Variants in GRIN2B observed in about 807,000 individuals in gnomAD.
GRIN2B encodes glutamate receptor ionotropic, NMDA 2B.
GRIN2B carries 5 observed loss-of-function variants against 114.5 expected under a neutral mutation model. The ratio of observed to expected loss-of-function variants is 0.04; its 90% CI spans 0.02 to 0.09. The LOEUF is 0.09. Among genes scored for constraint, GRIN2B ranks in the 10% least tolerant of loss-of-function variants. The probability of loss-of-function intolerance (pLI) is 1.00; values close to 1 mark genes in which losing one functional copy is unlikely to be tolerated. For missense variants in GRIN2B, 1,108 were observed against 1,943.5 expected, an observed-to-expected ratio of 0.57 and a Z score of 8.08; for synonymous variants, 787 against 745.1, an observed-to-expected ratio of 1.06 and a Z score of -0.92.
In GRIN2B at chr12:13,556,075, A is replaced by G. The variant is rs2136393607; in HGVS notation, c.*6708T>C. 1 of 152,312 alleles carries G rather than the reference A, an allele frequency of 6.6e-6. No homozygotes were observed. The highest frequency in any genetic ancestry group is 1.5e-5 in the Non-Finnish European group (1 of 68,040). 9.4% of individuals were successfully genotyped at this position (152,312 alleles called of 1,614,324 possible). The stretch of plus-strand genomic sequence containing the variant: ...ATGAGGCCTGATGGATTTATGGACC[A>G]GAACAACAGAGGGGTCTTGAAGGAA... On this transcript the variant is annotated 3_prime_UTR_variant, in exon 14 of 14. Transcript: ENST00000609686.
At position 13,753,615 on chromosome 12, in the gene GRIN2B, T is replaced by C. The variant is rs1863528154; in HGVS notation, c.712A>G (p.Thr238Ala). The C allele has an allele frequency of 6.2e-7, 1 of 1,614,072 alleles. No homozygotes were observed. Among genetic ancestry groups the C allele is most frequent in the Admixed American group, 1.7e-5 (1 of 59,986 alleles). ...ILLYCTKEEA[T>A]YIFEVANSVG... ...GAGTTGGCCACTTCAAAGATGTAGG[T>C]GGCTTCTTCCTTGGTACAGTAAAGA... The change falls in exon 4 of 14, where the codon ACC (threonine) becomes GCC (alanine). Residue 238 changes from threonine (T) to alanine (A), a missense_variant. Thr to Ala is a moderately conservative substitution (Grantham distance 58). Around this residue, in one of 19 missense-constraint regions of GRIN2B, gnomAD observed 199 missense variants for 439.6 expected, o/e 0.45. Coordinates refer to ENST00000609686, the MANE Select transcript of GRIN2B (RefSeq NM_000834.5). The surrounding 1 kb of genome is among the most constrained non-coding windows in gnomAD (Gnocchi z 6.2).
intron 3 of GRIN2B, among the ~76,000 whole-genome samples, chr12:13,767,696 A>AAC (rs1262509868): frequency 2.0e-4 from 30 of 152,308 alleles, no homozygotes; most frequent in African/African-American, 7.0e-4. Flanking sequence ...TTACCAGATC[A>AAC]TGGGTTAAGT....
intron 4 of GRIN2B, among the ~76,000 whole-genome samples, chr12:13,733,061 A>T (rs911108655): frequency 1.3e-5 from 2 of 152,178 alleles, no homozygotes; most frequent in Non-Finnish European, 2.9e-5. Context: ...AAGTGAACAG[A>T]TTTGGGATAC....
chr12:13,871,534 A>T (rs1054662672), intron 2 of GRIN2B, among the ~76,000 whole-genome samples: 1 of 151,940 alleles, frequency 6.6e-6, no homozygotes, highest in Non-Finnish European at 1.5e-5. Flanking sequence ...TACACTTTTA[A>T]ATACATTTAT....
rs1057252587 is a variant in GRIN2B at position 13,560,180 on chromosome 12, C to G, written c.*2603G>C. ...TTTCTGGGGGGGATGGACACAATTA[C>G]TTTCCCCTGGCTTTTTCACCATAGT... On this transcript the variant is annotated 3_prime_UTR_variant, in exon 14 of 14. Coordinates refer to ENST00000609686, the MANE Select transcript of GRIN2B (RefSeq NM_000834.5). 17 of 152,222 alleles carry G rather than the reference C, an allele frequency of 1.1e-4. No homozygotes were observed. Among genetic ancestry groups the G allele is most frequent in the African/African-American group, 3.4e-4 (14 of 41,460 alleles). 9.4% of individuals were successfully genotyped at this position (152,222 alleles called of 1,614,324 possible).
intron 2 of GRIN2B, among the ~76,000 whole-genome samples, chr12:13,946,304 C>T (rs1260285885): frequency 1.3e-5 from 2 of 152,128 alleles, no homozygotes; most frequent in African/African-American, 4.8e-5. Context: ...TACTTCACCA[C>T]TCTTCCAAAT....
chr12:13,885,320 G>A (rs188411324), intron 2 of GRIN2B, among the ~76,000 whole-genome samples: 1 of 152,138 alleles, frequency 6.6e-6, no homozygotes, highest in African/African-American at 2.4e-5. Context: ...AGAGCAGTTA[G>A]GGTGAAAAAT....
intron 4 of GRIN2B, among the ~76,000 whole-genome samples, chr12:13,706,008 C>G (rs1289631425): frequency 6.6e-6 from 1 of 152,074 alleles, no homozygotes; most frequent in African/African-American, 2.4e-5. Flanking sequence ...AAGGAAGAAC[C>G]TCCCGGCTGA....
At chr12:13,779,558 TC>T (rs1312017867) in intron 3 of GRIN2B, among the ~76,000 whole-genome samples, 9 of 152,172 alleles carry the variant, frequency 5.9e-5, no homozygotes, top group Admixed American at 3.3e-4. Context: ...ACTTAATATA[TC>T]TAAAATATTA....
rs1020233760 is a variant in GRIN2B, at chr12:13,975,240, G to A, written c.-19+4688C>T. ...TGTGAAGCGTGGTCCAGCAACTCTG[G>A]CGTCAACTGATAGCTCATTAGAAAT... On this transcript the variant is annotated intron_variant, in intron 2 of 13. Coordinates refer to ENST00000609686, the MANE Select transcript of GRIN2B (RefSeq NM_000834.5). 2.0e-5 allele frequency among the ~76,000 whole-genome samples: 3 copies of A among 152,160 alleles called. No individual in the cohort carries two copies. In the South Asian group the frequency reaches 6.2e-4, roughly 32 times the overall value.
chr12:13,665,695 A>G (rs113672832), intron 5 of GRIN2B, among the ~76,000 whole-genome samples: 4,083 of 152,270 alleles, frequency 0.027, 166 homozygotes, highest in African/African-American at 0.085. Context: ...TCAAAATGGG[A>G]TCATATATGC....
At chr12:13,704,128 T>G (rs544612265) in intron 4 of GRIN2B, among the ~76,000 whole-genome samples, 1 of 152,212 alleles carries the variant, frequency 6.6e-6, no homozygotes, top group South Asian at 2.1e-4. Context: ...GCATCTCCAG[T>G]TATGAGAAGA....
chr12:13,710,819 T>A (rs1280737095), intron 4 of GRIN2B, among the ~76,000 whole-genome samples: 1 of 152,104 alleles, frequency 6.6e-6, no homozygotes, highest in Admixed American at 6.6e-5. Context: ...ATTTATAGAT[T>A]CAATGCCATC....
At chr12:13,808,898 C>T (rs947602626) in intron 3 of GRIN2B, among the ~76,000 whole-genome samples, 1 of 151,678 alleles carries the variant, frequency 6.6e-6, no homozygotes, top group Non-Finnish European at 1.5e-5. Context: ...AAAACCAAAC[C>T]AAAAACAGCT....
chr12:13,787,638 T>C (rs1864242517), intron 3 of GRIN2B, among the ~76,000 whole-genome samples: 1 of 152,244 alleles, frequency 6.6e-6, no homozygotes, highest in Middle Eastern at 3.2e-3. Flanking sequence ...TCTAAGGATT[T>C]CATACATCCT....
chr12:13,956,772 G>A (rs1867600229), intron 2 of GRIN2B, among the ~76,000 whole-genome samples: 1 of 152,156 alleles, frequency 6.6e-6, no homozygotes, highest in Non-Finnish European at 1.5e-5. Context: ...TTTTTACGTG[G>A]ATGAATAGCA....
At chr12:13,779,526 A>C (rs546507375) in intron 3 of GRIN2B, among the ~76,000 whole-genome samples, 1 of 152,354 alleles carries the variant, frequency 6.6e-6, no homozygotes, top group Non-Finnish European at 1.5e-5. Context: ...AAATAGGCAA[A>C]CACATTTTAA....
Position 13,563,363 on chromosome 12 carries a change from T to C in GRIN2B, c.3875A>G (p.Lys1292Arg), listed in dbSNP as rs1948576645. The change falls in exon 14 of 14, where the codon AAG (lysine) becomes AGG (arginine). Residue 1292 changes from lysine to arginine, a missense_variant. By Grantham distance (26) the Lys-to-Arg change is conservative (BLOSUM62 2). Transcript: ENST00000609686. ...CCGGCGCAGTTTGTTCCGGTTCTTC[T>C]TCTGGGCCTTGGAATTAGTCGGGCT... Reference protein sequence around the residue: ...PQSPTNSKAQKKNRNKLRRQH... With the variant: ...PQSPTNSKAQRKNRNKLRRQH... 14 of 1,614,198 alleles carry C rather than the reference T, an allele frequency of 8.7e-6. No individual in the cohort carries two copies. In the East Asian group the frequency reaches 2.7e-4, roughly 31 times the overall value.
chr12:13,897,242 G>A (rs1426695568), intron 2 of GRIN2B, among the ~76,000 whole-genome samples: 5 of 152,178 alleles, frequency 3.3e-5, no homozygotes, highest in South Asian at 2.1e-4. Context: ...TCACTCACGC[G>A]GGGAGACTAG....
Sources: gnomAD v4.1 joint callset for allele counts (sites outside exome capture counted in the v4.1 genomes callset) on GRCh38, gnomAD v4.1.1 for gene constraint, gnomAD v4.1.1 regional missense constraint, Gnocchi (gnomAD v3.1) non-coding constraint, MANE v1.5 for transcripts, NCBI Gene and HGNC (gene_info 2026-07-23, HGNC 2026-07-21) for gene names.